ADAMTSL1: variants seen among roughly 807,000 people sequenced by gnomAD.
The protein encoded by ADAMTSL1 is ADAMTS-like protein 1.
ADAMTSL1 carries 126 observed loss-of-function variants against 201.8 expected under a neutral mutation model. The observed-to-expected ratio is 0.62, with a 90% CI of 0.54 to 0.72. The LOEUF (loss-of-function observed/expected upper bound fraction) is 0.72. Among genes scored for constraint, ADAMTSL1 ranks in the 30% least tolerant of loss-of-function variants. The probability of loss-of-function intolerance (pLI) is 0.00; values close to 1 mark genes in which losing one functional copy is unlikely to be tolerated. For missense variants in ADAMTSL1, 2,679 were observed against 2,277.8 expected, an observed-to-expected ratio of 1.18 and a Z score of -3.59; for synonymous variants, 1,121 against 903.4, an observed-to-expected ratio of 1.24 and a Z score of -4.32.
At chr9:18,199,402 A>G (rs1446992646) in intron 2 of ADAMTSL1, among the ~76,000 whole-genome samples, 1 of 152,152 alleles carries the variant, frequency 6.6e-6, no homozygotes, top group Non-Finnish European at 1.5e-5. Context: ...CCCATCAAAT[A>G]TAAGACAATT....
At chr9:18,559,032 T>C (rs148374112) in intron 3 of ADAMTSL1, among the ~76,000 whole-genome samples, 2,947 of 152,326 alleles carry the variant, frequency 0.019, 83 homozygotes, top group African/African-American at 0.062. Flanking sequence ...TTTGTCAATT[T>C]TGGCTTTTGT....
At chr9:18,674,121 C>T (rs1255213139) in intron 9 of ADAMTSL1, among the ~76,000 whole-genome samples, 2 of 151,676 alleles carry the variant, frequency 1.3e-5, no homozygotes, top group East Asian at 3.9e-4. Flanking sequence ...GTGTGAAGAA[C>T]TGTGGGATTT....
At chr9:17,953,485 A>G (rs1434983595) in intron 1 of ADAMTSL1, among the ~76,000 whole-genome samples, 1 of 152,208 alleles carries the variant, frequency 6.6e-6, no homozygotes, top group African/African-American at 2.4e-5. Context: ...TCCTACAGAT[A>G]TATGTGTTCA....
At chr9:18,447,561 A>C (rs1225221547) in intron 2 of ADAMTSL1, among the ~76,000 whole-genome samples, 2 of 152,180 alleles carry the variant, frequency 1.3e-5, no homozygotes, top group African/African-American at 2.4e-5. Flanking sequence ...AAGCAATGAC[A>C]TTGTCCTGGA....
At position 18,093,833 on chromosome 9, in the gene ADAMTSL1, C is replaced by A. The variant is rs571599889; in HGVS notation, c.88-70029C>A. ...TTGGAAAGCTGGTGTTTGAACCAAG[C>A]TTTGGAGAGGGGAAGTGGGGCTGGA... is the stretch of plus-strand genomic sequence containing the variant. On this transcript the variant is annotated intron_variant, in intron 1 of 29. Coordinates refer to the ADAMTSL1 transcript ENST00000680146. 2.4e-4 allele frequency among the ~76,000 whole-genome samples: 36 copies of A among 152,156 alleles called. No homozygotes were observed. The East Asian group carries it at 6.6e-3, about 28-fold the overall frequency.
chr9:18,030,831 C>T (rs1820920736), intron 1 of ADAMTSL1, among the ~76,000 whole-genome samples: 1 of 152,008 alleles, frequency 6.6e-6, no homozygotes, highest in Admixed American at 6.6e-5. Flanking sequence ...TTACATAATC[C>T]CATATTTTTG....
intron 1 of ADAMTSL1, among the ~76,000 whole-genome samples, chr9:17,976,804 T>A (rs1818469868): frequency 6.6e-6 from 1 of 151,716 alleles, no homozygotes; most frequent in Non-Finnish European, 1.5e-5. Context: ...CTTATTTCTT[T>A]CTAATTTGGA....
At chr9:17,994,433 A>G (rs890385171) in intron 1 of ADAMTSL1, among the ~76,000 whole-genome samples, 1 of 152,186 alleles carries the variant, frequency 6.6e-6, no homozygotes, top group Non-Finnish European at 1.5e-5. Context: ...GAATTATAAA[A>G]TAGCTCCTAA....
chr9:18,777,907 G>A lies in ADAMTSL1; in HGVS notation c.3677+1G>A, dbSNP rs1821159875. Reference sequence around the variant, plus strand: ...GAGAAGAAGTTCAGTTCAGTGACAGGTGAGCCTTGTAGCTAACCTGGTCTT... The same window carrying A: ...GAGAAGAAGTTCAGTTCAGTGACAGATGAGCCTTGTAGCTAACCTGGTCTT... On this transcript the variant is annotated splice_donor_variant, in intron 19 of 28. Coordinates refer to ENST00000380548, the MANE Select transcript of ADAMTSL1 (RefSeq NM_001040272.6). LOFTEE classifies it high-confidence loss of function. The A allele has an allele frequency of 1.3e-6, 2 of 1,537,718 alleles. No homozygotes were observed. The highest frequency in any genetic ancestry group is 1.3e-5 in the South Asian group (1 of 78,678).
intron 1 of ADAMTSL1, among the ~76,000 whole-genome samples, chr9:18,040,404 A>G (rs1339719265): frequency 2.0e-5 from 3 of 152,146 alleles, no homozygotes; most frequent in Non-Finnish European, 2.9e-5. Flanking sequence ...TTCTGTTCCT[A>G]CTGACTGGTT....
chr9:18,107,490 T>A (rs1587067017), intron 1 of ADAMTSL1, among the ~76,000 whole-genome samples: 1 of 152,148 alleles, frequency 6.6e-6, no homozygotes, highest in South Asian at 2.1e-4. Context: ...GTTGTGATGC[T>A]GAACATGGCA....
intron 16 of ADAMTSL1, among the ~76,000 whole-genome samples, chr9:18,767,809 CAG>C (rs1208365871): frequency 6.6e-6 from 1 of 152,220 alleles, no homozygotes; most frequent in Non-Finnish European, 1.5e-5. Context: ...GAAGAGCCCA[CAG>C]AGTCACTGAA....
intron 1 of ADAMTSL1, among the ~76,000 whole-genome samples, chr9:17,985,163 C>G (rs1210464301): frequency 6.6e-6 from 1 of 152,114 alleles, no homozygotes; most frequent in Non-Finnish European, 1.5e-5. Flanking sequence ...AGACTTCACT[C>G]TGACATCTTT....
intron 9 of ADAMTSL1, among the ~76,000 whole-genome samples, chr9:18,673,297 A>G (rs1181776013): frequency 2.0e-5 from 3 of 152,262 alleles, no homozygotes; most frequent in African/African-American, 7.2e-5. Context: ...TCTCCCAGCA[A>G]CAGTGTAGTG....
At position 18,616,033 on chromosome 9, in the gene ADAMTSL1, T is replaced by C. The variant is rs146230408; in HGVS notation, c.475-6210T>C. Among the ~76,000 whole-genome samples, 35 of 147,714 alleles carry C rather than the reference T, an allele frequency of 2.4e-4. No homozygotes were observed. In the East Asian group the frequency reaches 6.7e-3, roughly 28 times the overall value. On this transcript the variant is annotated intron_variant, in intron 4 of 28. Coordinates refer to ENST00000380548, the MANE Select transcript of ADAMTSL1 (RefSeq NM_001040272.6). The stretch of plus-strand genomic sequence containing the variant: ...TTTGTTTTGGCTTCTTAAAAATTGC[T>C]TTTTTTTTTGGAGACAAAGTCTCGT...
chr9:18,223,862 T>G (rs1032091676), intron 2 of ADAMTSL1, among the ~76,000 whole-genome samples: 4 of 152,086 alleles, frequency 2.6e-5, no homozygotes, highest in African/African-American at 9.7e-5. Context: ...TGGGAAATTT[T>G]TGAGGCCTGG....
At chr9:18,310,388 A>AAAAAAAAAAAAAC (rs1415784049) in intron 2 of ADAMTSL1, among the ~76,000 whole-genome samples, 1 of 139,860 alleles carries the variant, frequency 7.2e-6, no homozygotes, top group East Asian at 2.0e-4. Flanking sequence ...AAAAAAAAAA[A>AAAAAAAAAAAAAC]AAAAAAAAAA....
At chr9:17,937,351 T>A (rs2131336081) in intron 1 of ADAMTSL1, among the ~76,000 whole-genome samples, 1 of 152,132 alleles carries the variant, frequency 6.6e-6, no homozygotes, top group South Asian at 2.1e-4. Flanking sequence ...AGTACAGAGT[T>A]GAACTAAATT....
At chr9:18,715,436 C>T (rs1359247422) in intron 14 of ADAMTSL1, among the ~76,000 whole-genome samples, 1 of 152,068 alleles carries the variant, frequency 6.6e-6, no homozygotes, top group African/African-American at 2.4e-5. Context: ...TTCTTATACA[C>T]CAACAACAGA....
Sources: gnomAD v4.1 joint callset for allele counts (sites outside exome capture counted in the v4.1 genomes callset) on GRCh38, gnomAD v4.1.1 for gene constraint, MANE v1.5 for transcripts, NCBI Gene and HGNC (gene_info 2026-07-23, HGNC 2026-07-21) for gene names.